GATM: variants seen among roughly 807,000 people sequenced by gnomAD.
GATM encodes the protein glycine amidinotransferase.
Under a neutral mutation model 54.2 loss-of-function variants are expected in GATM, and 23 were observed. The ratio of observed to expected loss-of-function variants is 0.42; its 90% CI spans 0.31 to 0.60. The LOEUF (loss-of-function observed/expected upper bound fraction) is 0.60. Ranked by LOEUF, GATM falls within the 20% of genes least tolerant of loss-of-function variation. GATM has a pLI of 0.14. For synonymous variants in GATM, 168 were observed against 183.1 expected, an observed-to-expected ratio of 0.92 and a Z score of 0.67; for missense variants, 401 against 544.9, an observed-to-expected ratio of 0.74 and a Z score of 2.63.
At chr15:45,363,830 A>T (rs1039451584) in intron 8 of GATM, 70 bp downstream of exon 8, 1 of 911,696 alleles carries the variant, frequency 1.1e-6, no homozygotes, top group African/African-American at 1.6e-5. Context: ...CAAACCTAGC[A>T]TGTCATTTCT....
At chr15:45,378,358 G>A in intron 1 of GATM, 27 bp downstream of exon 1, 5 of 1,502,290 alleles carry the variant, frequency 3.3e-6, no homozygotes, top group Non-Finnish European at 4.4e-6. Context: ...TCACGCGGCC[G>A]CCAGACGAGG....
chr15:45,366,096 T>A lies in GATM; in HGVS notation c.928A>T (p.Ile310Phe), dbSNP rs1049491. The A allele has an allele frequency of 1.2e-6, 2 of 1,614,038 alleles. No individual in the cohort carries two copies. The highest frequency in any genetic ancestry group is 2.2e-5 in the South Asian group (2 of 91,090). Residue 310 changes from isoleucine (I) to phenylalanine (F), a missense_variant, in exon 6 of 9, where the codon ATC becomes TTC. Around this residue, in one of 3 missense-constraint regions of GATM, gnomAD observed 321 missense variants for 457.5 expected, o/e 0.70. Transcript: ENST00000396659. ...GAAAGCACAATACCAGGTCCAATGATGTTGAAGGTAGCATCAATATGCATG... is the reference window on the plus strand; with the variant it reads ...GAAAGCACAATACCAGGTCCAATGAAGTTGAAGGTAGCATCAATATGCATG... Reference protein sequence around the residue: ...NPMHIDATFNIIGPGIVLSNP... With the variant: ...NPMHIDATFNFIGPGIVLSNP...
At chr15:45,388,218 T>A (rs901405714) in intron 3 of GATM, among the ~76,000 whole-genome samples, 1 of 152,150 alleles carries the variant, frequency 6.6e-6, no homozygotes, top group African/African-American at 2.4e-5. Flanking sequence ...TGGAAGTCTG[T>A]CTGTACTTTA....
chr15:45,376,510 T>C, intron 2 of GATM, 91 bp downstream of exon 2: 1 of 1,049,918 alleles, frequency 9.5e-7, no homozygotes, highest in Non-Finnish European at 1.5e-6. Flanking sequence ...TTGAGAGGTC[T>C]GGGAGTAAGC....
chr15:45,364,411 G>T (rs1211437455), intron 7 of GATM: 4 of 294,134 alleles, frequency 1.4e-5, no homozygotes, highest in Admixed American at 4.9e-5. Flanking sequence ...GCCTGCATTT[G>T]TAGTCCCAGC....
At chr15:45,372,234 G>T (rs1367125564) in intron 2 of GATM, among the ~76,000 whole-genome samples, 1 of 152,192 alleles carries the variant, frequency 6.6e-6, no homozygotes, top group Non-Finnish European at 1.5e-5. Flanking sequence ...TTGAGTAGTT[G>T]CAACAGAGAC....
At chr15:45,370,994 C>T (rs1270940096) in intron 2 of GATM, among the ~76,000 whole-genome samples, 3 of 152,244 alleles carry the variant, frequency 2.0e-5, no homozygotes, top group East Asian at 1.9e-4. Context: ...AGGCTGGTCT[C>T]AATCTCCTGA....
At chr15:45,372,637 A>G (rs980880298) in intron 2 of GATM, among the ~76,000 whole-genome samples, 1 of 152,254 alleles carries the variant, frequency 6.6e-6, no homozygotes, top group Non-Finnish European at 1.5e-5. Context: ...ACTGGGTTAC[A>G]GCAGATGCAG....
At chr15:45,364,168 A>G (rs987064003) in intron 7 of GATM, 152 bp from the exon 8 acceptor site, 1 of 675,954 alleles carries the variant, frequency 1.5e-6, no homozygotes, top group South Asian at 1.7e-5. Flanking sequence ...CAATTTATCT[A>G]TAAATGGTAT....
intron 2 of GATM, among the ~76,000 whole-genome samples, chr15:45,398,774 C>G (rs1383126678): frequency 1.3e-5 from 2 of 152,100 alleles, no homozygotes; most frequent in Non-Finnish European, 2.9e-5. Context: ...TTGAACATAA[C>G]ACAAAAATGG....
upstream of GATM, chr15:45,380,419 GC>G (rs1408655452): frequency 6.6e-6 from 1 of 151,994 alleles, no homozygotes; most frequent in Non-Finnish European, 1.5e-5. Context: ...TCTAATCAAG[GC>G]TTCATACTTC....
At chr15:45,369,709 A>C in intron 2 of GATM, 188 bp from the exon 3 acceptor site, 1 of 613,322 alleles carries the variant, frequency 1.6e-6, no homozygotes, top group Middle Eastern at 4.3e-4. Flanking sequence ...CTGTTGAATG[A>C]AGAACTCTAA....
intron 3 of GATM, 92 bp downstream of exon 3, chr15:45,369,234 C>T: frequency 9.2e-7 from 1 of 1,087,750 alleles, no homozygotes; most frequent in Non-Finnish European, 1.4e-6. Flanking sequence ...GCAAAGGACT[C>T]TCCAAGAAAT....
Position 45,362,142 on chromosome 15 carries a change from C to G in GATM, c.1239G>C (p.Arg413=), listed in dbSNP as rs550159982. ...GGFHCWTCDV[R]RRGTLQSYLD ...AGTAGGACTGTAAGGTGCCTCGGCGCCGGACATCGCAGGTCCAGCAATGGA... is the reference window on the plus strand; with the variant it reads ...AGTAGGACTGTAAGGTGCCTCGGCGGCGGACATCGCAGGTCCAGCAATGGA... Residue 413 remains arginine, a synonymous_variant, in exon 9 of 9, where the codon CGG becomes CGC. Transcript: ENST00000396659. The G allele has an allele frequency of 3.2e-5, 51 of 1,613,756 alleles. 2 individuals carry two copies. In the South Asian group the frequency reaches 5.6e-4, roughly 18 times the overall value.
At chr15:45,395,177 A>C (rs1343039932) in intron 3 of GATM, among the ~76,000 whole-genome samples, 1 of 152,216 alleles carries the variant, frequency 6.6e-6, no homozygotes, top group Admixed American at 6.5e-5. Flanking sequence ...ATTTGCAGAC[A>C]ATCTCTATCC....
At chr15:45,377,799 C>A (rs1367189244) in intron 1 of GATM, 1 of 156,334 alleles carries the variant, frequency 6.4e-6, no homozygotes, top group Non-Finnish European at 1.4e-5. Flanking sequence ...AGAAACTCTG[C>A]TTACAGGCTG....
At chr15:45,380,934 T>C, upstream of GATM, among the ~76,000 whole-genome samples, 1 of 152,194 alleles carries the variant, frequency 6.6e-6, no homozygotes, top group Non-Finnish European at 1.5e-5. Flanking sequence ...CTTTTATTCA[T>C]TCACTACAAT....
chr15:45,363,881 T>A lies in GATM; in HGVS notation c.1159+19A>T, dbSNP rs187979088. 8.9e-5 allele frequency: 123 copies of A among 1,380,696 alleles called. 1 individual carries two copies. The highest frequency in any genetic ancestry group is 4.4e-4 in the Admixed American group (26 of 59,700). The allele number at this position is 1,380,696 out of a possible 1,614,324, so 85.5% of individuals were successfully genotyped here. A position where few individuals can be genotyped will look rare whatever the true frequency, so the allele number is the denominator to read the frequency against. On this transcript the variant is annotated intron_variant, in intron 8 of 8. Transcript: ENST00000396659. ...TAACGTTTTCATGTATGACAACATG[T>A]TTCATTTGTTGTACATACCCAGCTT...
intron 3 of GATM, among the ~76,000 whole-genome samples, chr15:45,385,272 C>A (rs556476285): frequency 1.3e-5 from 2 of 152,282 alleles, no homozygotes; most frequent in South Asian, 4.1e-4. Context: ...ATTCTTGTAG[C>A]CTAAATTCCT....
Sources: gnomAD v4.1 joint callset for allele counts (sites outside exome capture counted in the v4.1 genomes callset) on GRCh38, gnomAD v4.1.1 for gene constraint, gnomAD v4.1.1 regional missense constraint, MANE v1.5 for transcripts, NCBI Gene and HGNC (gene_info 2026-07-23, HGNC 2026-07-21) for gene names.